Variants in LAPTM4A observed in about 807,000 individuals in gnomAD.
LAPTM4A encodes lysosomal-associated transmembrane protein 4A.
A neutral mutation model predicts 29.9 loss-of-function variants in LAPTM4A; 19 were observed. That is an observed-to-expected ratio of 0.64 (90% confidence interval 0.44 to 0.93). The LOEUF is 0.93. LAPTM4A is among the 40% of genes least tolerant of loss of function. The pLI is 0.00. For missense variants in LAPTM4A, 293 were observed against 288.5 expected (o/e 1.02, Z -0.11); for synonymous variants, 105 against 102.1 (o/e 1.03, Z -0.17).
At chr2:20,048,512 G>A (rs906242421) in intron 1 of LAPTM4A, among the ~76,000 whole-genome samples, 8 of 152,176 alleles carry the variant, frequency 5.3e-5, no homozygotes, top group Non-Finnish European at 7.3e-5. Context: ...AGTATATGGT[G>A]TTACGATACT....
At chr2:20,040,562 G>A (rs1011343499) in intron 2 of LAPTM4A, among the ~76,000 whole-genome samples, 6 of 152,208 alleles carry the variant, frequency 3.9e-5, no homozygotes, top group African/African-American at 1.4e-4. Flanking sequence ...CATATATCAT[G>A]AGGGTTCCAT....
At chr2:20,033,316 T>C (rs1673612401) in intron 6 of LAPTM4A, 37 bp from the exon 7 acceptor site, 1 of 1,456,514 alleles carries the variant, frequency 6.9e-7, no homozygotes, top group Non-Finnish European at 9.6e-7. Flanking sequence ...GATTTAATTC[T>C]CCTTTAAAAT....
intron 5 of LAPTM4A, 74 bp downstream of exon 5, chr2:20,034,893 G>A: frequency 1.9e-6 from 2 of 1,052,152 alleles, no homozygotes; most frequent in Non-Finnish European, 2.9e-6. Flanking sequence ...GACTTGTAAG[G>A]TGAAAGGCAG....
intron 1 of LAPTM4A, among the ~76,000 whole-genome samples, chr2:20,048,062 G>A (rs972776604): frequency 6.6e-6 from 1 of 152,164 alleles, no homozygotes; most frequent in Admixed American, 6.5e-5. Flanking sequence ...CCCAGATACA[G>A]AACTTCAAAC....
intron 1 of LAPTM4A, among the ~76,000 whole-genome samples, chr2:20,046,728 T>C (rs1444816025): frequency 7.1e-6 from 1 of 140,748 alleles, no homozygotes; most frequent in Non-Finnish European, 1.6e-5. Context: ...ATATATTATA[T>C]ATCTATATAT....
intron 6 of LAPTM4A, 83 bp from the exon 7 acceptor site, chr2:20,033,362 C>T: frequency 1.9e-6 from 2 of 1,072,816 alleles, no homozygotes; most frequent in South Asian, 1.3e-5. Flanking sequence ...GACTTTATGC[C>T]CTAAATAGGG....
intron 2 of LAPTM4A, among the ~76,000 whole-genome samples, chr2:20,040,217 A>G (rs1673765490): frequency 6.6e-6 from 1 of 152,078 alleles, no homozygotes; most frequent in Admixed American, 6.5e-5. Flanking sequence ...TTCTACTAGT[A>G]GCTACATTAA....
rs1183047314 is a variant in LAPTM4A, at chr2:20,032,764, T to C, written c.*441A>G. The C allele has an allele frequency of 6.3e-6, 1 of 158,010 alleles. No homozygotes were observed. The highest frequency in any genetic ancestry group is 1.8e-4 in the East Asian group (1 of 5,438). 9.8% of individuals were successfully genotyped at this position (158,010 alleles called of 1,614,324 possible). ...CAAGTCACAATGTCAAATATTTTTC[T>C]TGCCTCTGCAGATGAAAAGTTCAGA... On this transcript the variant is annotated 3_prime_UTR_variant, in exon 7 of 7. Transcript: ENST00000175091.
intron 2 of LAPTM4A, 53 bp from the exon 3 acceptor site, chr2:20,037,667 C>A: frequency 3.5e-6 from 4 of 1,142,972 alleles, no homozygotes; most frequent in South Asian, 3.2e-5. Context: ...ACAAAAAGAA[C>A]AAAACTTCAC....
In LAPTM4A at chr2:20,037,629, A is replaced by C. The variant is rs1673706364; in HGVS notation, c.233-15T>G. On this transcript the variant is annotated splice_polypyrimidine_tract_variant and intron_variant, in intron 2 of 6. Coordinates refer to ENST00000175091, the MANE Select transcript of LAPTM4A (RefSeq NM_014713.5). ...ACAGGCATTATCTAAGAAAACAAAA[A>C]CAAAAATCTAATTAAGCTACTTACA... 2 of 1,552,090 alleles carry C rather than the reference A, an allele frequency of 1.3e-6. No individual in the cohort carries two copies. Among genetic ancestry groups the C allele is most frequent in the East Asian group, 4.5e-5 (2 of 44,480 alleles).
intron 2 of LAPTM4A, among the ~76,000 whole-genome samples, chr2:20,039,415 T>A (rs1175368710): frequency 6.6e-6 from 1 of 152,236 alleles, no homozygotes; most frequent in African/African-American, 2.4e-5. Flanking sequence ...ACAGGTATTA[T>A]CAAACTTGAA....
At position 20,051,529 on chromosome 2, in the gene LAPTM4A, G is replaced by C. The variant is rs746392545; in HGVS notation, c.-9C>G. On this transcript the variant is annotated 5_prime_UTR_variant, in exon 1 of 7. Transcript: ENST00000175091. ...AAACTCATGGACACCATCGTAACAG[G>C]CGGGCCTCCTTCTTGGCCGGGCCCC... The C allele has an allele frequency of 1.9e-5, 29 of 1,565,812 alleles. No homozygotes were observed. Among genetic ancestry groups the C allele is most frequent in the Non-Finnish European group, 2.4e-5 (28 of 1,146,914 alleles).
intron 1 of LAPTM4A, among the ~76,000 whole-genome samples, chr2:20,042,656 A>C (rs1673824578): frequency 1.3e-5 from 2 of 152,238 alleles, no homozygotes; most frequent in South Asian, 4.1e-4. Flanking sequence ...AAATCCCATT[A>C]TAATATCTGA....
Position 20,037,215 on chromosome 2 carries a change from C to A in LAPTM4A, c.432+101G>T, listed in dbSNP as rs189891398. 3.4e-5 allele frequency: 32 copies of A among 942,748 alleles called. 1 individual carries two copies. Among genetic ancestry groups the A allele is most frequent in the South Asian group, 4.3e-5 (2 of 46,402 alleles). 58.4% of individuals were successfully genotyped at this position (942,748 alleles called of 1,614,324 possible). A position where few individuals can be genotyped will look rare whatever the true frequency, so the allele number is the denominator to read the frequency against. ...ATTTTAAGACACTTTCAAAAGCAAGCGGAGTAGTTAAAAATAATACCTAAG... is the reference window on the plus strand; with the variant it reads ...ATTTTAAGACACTTTCAAAAGCAAGAGGAGTAGTTAAAAATAATACCTAAG... On this transcript the variant is annotated intron_variant, in intron 4 of 6. Coordinates refer to ENST00000175091, the MANE Select transcript of LAPTM4A (RefSeq NM_014713.5).
intron 1 of LAPTM4A, among the ~76,000 whole-genome samples, chr2:20,041,509 CTTACTT>C (rs1673799627): frequency 6.6e-6 from 1 of 151,992 alleles, no homozygotes; most frequent in African/African-American, 2.4e-5. Context: ...ATCTACTAGT[CTTACTT>C]TTGTGTGTGT....
intron 4 of LAPTM4A, among the ~76,000 whole-genome samples, chr2:20,036,202 C>A (rs1423402327): frequency 6.6e-6 from 1 of 151,308 alleles, no homozygotes; most frequent in African/African-American, 2.4e-5. Flanking sequence ...AGCCCTGCCC[C>A]TGGCCACCTT....
chr2:20,033,260 T>C lies in LAPTM4A; in HGVS notation c.647A>G (p.Glu216Gly). ...APPQYVLPTY[E>G]MAVKMPEKEP... ...TTTTTCAGGCATTTTCACGGCCATT[T>C]CATAGGTTGGCAAAACGTACTAAAG... is the stretch of plus-strand genomic sequence containing the variant. The change falls in exon 7 of 7, where the codon GAA becomes GGA. Residue 216 changes from glutamate (E) to glycine (G), a missense_variant. Transcript: ENST00000175091. 3 of 1,614,100 alleles carry C rather than the reference T, an allele frequency of 1.9e-6. No individual in the cohort carries two copies. The highest frequency in any genetic ancestry group is 2.5e-6 in the Non-Finnish European group (3 of 1,179,952).
At chr2:20,037,289 A>G (rs755439722) in intron 4 of LAPTM4A, 27 bp downstream of exon 4, 3 of 1,535,840 alleles carry the variant, frequency 2.0e-6, no homozygotes, top group Admixed American at 2.2e-5. Flanking sequence ...TGAAAAAAAA[A>G]TAAGTTTAAT....
chr2:20,048,996 TAAACAA>T (rs1673998031), intron 1 of LAPTM4A, among the ~76,000 whole-genome samples: 1 of 152,226 alleles, frequency 6.6e-6, no homozygotes, highest in Non-Finnish European at 1.5e-5. Context: ...AAAACTATAA[TAAACAA>T]AACCAATGGC....
Sources: allele counts gnomAD v4.1 joint callset (sites outside exome capture counted in the v4.1 genomes callset), GRCh38; gene constraint gnomAD v4.1.1; transcripts MANE v1.5; gene names NCBI Gene and HGNC (gene_info 2026-07-23, HGNC 2026-07-21).